Variants in CTNNAL1 observed in about 807,000 individuals in gnomAD.
CTNNAL1 encodes alpha-catulin.
A neutral mutation model predicts 93.6 loss-of-function variants in CTNNAL1; 69 were observed. The observed-to-expected ratio is 0.74, with a 90% CI of 0.61 to 0.90. CTNNAL1 has a LOEUF of 0.90. Ranked by LOEUF, CTNNAL1 falls within the 40% of genes least tolerant of loss-of-function variation. CTNNAL1 has a pLI of 0.00. For synonymous variants in CTNNAL1, 286 were observed against 305.4 expected (o/e 0.94, Z 0.66); for missense variants, 836 against 862.0 (o/e 0.97, Z 0.38).
Position 108,979,479 on chromosome 9 carries a change from C to T in CTNNAL1, c.903G>A (p.Met301Ile). Reference sequence around the variant, plus strand: ...GATTCTCCCGAAGAGCTTCAATATTCATCTGAGAACAAAAAGGACATCTAT... The same window carrying T: ...GATTCTCCCGAAGAGCTTCAATATTTATCTGAGAACAAAAAGGACATCTAT... ...SIFTGIKEFK[M>I]NIEALRENLY... The change falls in exon 7 of 19, where the codon ATG becomes ATA. Residue 301 changes from methionine (M) to isoleucine (I), a missense_variant and splice_region_variant. Met to Ile is a conservative substitution (Grantham distance 10, BLOSUM62 1). Coordinates refer to ENST00000325551, the MANE Select transcript of CTNNAL1 (RefSeq NM_003798.4). 1.2e-6 allele frequency: 2 copies of T among 1,613,546 alleles called. No homozygotes were observed. Among genetic ancestry groups the T allele is most frequent in the African/African-American group, 1.3e-5 (1 of 75,006 alleles).
At chr9:108,970,269 TTC>T (rs1228601381) in intron 10 of CTNNAL1, 131 bp downstream of exon 10, 2 of 765,342 alleles carry the variant, frequency 2.6e-6, no homozygotes, top group Non-Finnish European at 3.7e-6. Flanking sequence ...CCAACAGAAA[TTC>T]CATTATCTTT....
intron 1 of CTNNAL1, among the ~76,000 whole-genome samples, chr9:109,008,511 G>T (rs1177962665): frequency 1.3e-5 from 2 of 152,180 alleles, no homozygotes; most frequent in African/African-American, 4.8e-5. Flanking sequence ...GAGTGGAATT[G>T]CTGGGCCACA....
intron 10 of CTNNAL1, among the ~76,000 whole-genome samples, chr9:108,966,472 A>C (rs1830956362): frequency 6.6e-6 from 1 of 152,026 alleles, no homozygotes; most frequent in African/African-American, 2.4e-5. Flanking sequence ...TTCCATCCTA[A>C]CTGATCCAAA....
chr9:108,996,374 T>C (rs113807140), intron 2 of CTNNAL1, among the ~76,000 whole-genome samples: 1,829 of 152,258 alleles, frequency 0.012, 42 homozygotes, highest in African/African-American at 0.042. Flanking sequence ...ACAGGAGTGA[T>C]TTAATGAAGT....
intron 12 of CTNNAL1, among the ~76,000 whole-genome samples, chr9:108,953,385 G>A (rs769047493): frequency 2.6e-5 from 4 of 152,226 alleles, no homozygotes; most frequent in Non-Finnish European, 5.9e-5. Context: ...AGAGGCAGGA[G>A]TCCCAGAACA....
At position 108,983,406 on chromosome 9, in the gene CTNNAL1, T is replaced by C; in HGVS notation, c.730-91A>G. 3.9e-6 allele frequency: 5 copies of C among 1,284,764 alleles called. No individual in the cohort carries two copies. The South Asian group carries it at 1.4e-4, about 36-fold the overall frequency. The allele number at this position is 1,284,764 out of a possible 1,614,324, so 79.6% of individuals were successfully genotyped here. On this transcript the variant is annotated intron_variant, in intron 5 of 18. Transcript: ENST00000325551. ...AGAGAACATGTCATGCTAAGAAAAA[T>C]GGTTCTTTACCAAAATCTCCTGGGT...
At chr9:108,993,205 G>C (rs1056472897) in intron 2 of CTNNAL1, among the ~76,000 whole-genome samples, 3 of 152,168 alleles carry the variant, frequency 2.0e-5, no homozygotes, top group African/African-American at 4.8e-5. Flanking sequence ...GCTTGGGCTG[G>C]GGCGAGGCCG....
intron 1 of CTNNAL1, among the ~76,000 whole-genome samples, chr9:109,009,674 C>A (rs1269243485): frequency 6.6e-6 from 1 of 152,176 alleles, no homozygotes; most frequent in African/African-American, 2.4e-5. Context: ...AATCTTGGCC[C>A]TTTGTGCTTT....
intron 1 of CTNNAL1, among the ~76,000 whole-genome samples, chr9:109,002,976 A>G (rs934167653): frequency 3.3e-5 from 5 of 151,702 alleles, no homozygotes; most frequent in Non-Finnish European, 7.4e-5. Flanking sequence ...CTGGGCAACA[A>G]GAGCAAAACT....
At chr9:108,977,266 TTTTA>T (rs571024040) in intron 7 of CTNNAL1, 79 of 299,024 alleles carry the variant, frequency 2.6e-4, no homozygotes, top group African/African-American at 1.6e-3. Context: ...ACTTCTGTTT[TTTTA>T]TTTATTTATT....
At position 108,990,588 on chromosome 9, in the gene CTNNAL1, C is replaced by G. The variant is rs149557166; in HGVS notation, c.639+138G>C. ...ATCTACTTACTTTATCCTGGCTTAT[C>G]TATGAAAGGCTTTCAAGACCAAGGC... On this transcript the variant is annotated intron_variant, in intron 4 of 18. Coordinates refer to ENST00000325551, the MANE Select transcript of CTNNAL1 (RefSeq NM_003798.4). 2.9e-5 allele frequency: 29 copies of G among 1,014,622 alleles called. No individual in the cohort carries two copies. In the East Asian group the frequency reaches 7.7e-4, roughly 27 times the overall value. The allele number at this position is 1,014,622 out of a possible 1,614,324, so 62.9% of individuals were successfully genotyped here. A position where few individuals can be genotyped will look rare whatever the true frequency, so the allele number is the denominator to read the frequency against.
intron 2 of CTNNAL1, among the ~76,000 whole-genome samples, chr9:108,993,208 C>T (rs1486664767): frequency 6.6e-6 from 1 of 152,244 alleles, no homozygotes; most frequent in East Asian, 1.9e-4. Flanking sequence ...TGGGCTGGGG[C>T]GAGGCCGGGG....
chr9:108,976,150 C>A (rs1315573000), intron 8 of CTNNAL1, among the ~76,000 whole-genome samples: 4 of 152,176 alleles, frequency 2.6e-5, no homozygotes. Context: ...TGCCCTTTTG[C>A]AGTAAATATA....
intron 4 of CTNNAL1, among the ~76,000 whole-genome samples, chr9:108,985,621 G>T (rs577678636): frequency 6.6e-6 from 1 of 152,298 alleles, no homozygotes; most frequent in African/African-American, 2.4e-5. Context: ...CAAAGCTAAT[G>T]CAGATCACAT....
intron 6 of CTNNAL1, among the ~76,000 whole-genome samples, chr9:108,982,595 C>G (rs1257246144): frequency 6.6e-6 from 1 of 152,164 alleles, no homozygotes; most frequent in African/African-American, 2.4e-5. Flanking sequence ...TACAGCTAAA[C>G]AGAGCCAGAG....
rs202213058 is a variant in CTNNAL1, at chr9:108,999,022, C to A, written c.331+45G>T. ...CAATAATTTTTCATCATAACCAAAG[C>A]AATAAAAGTGGTATGAATAGTCTTC... On this transcript the variant is annotated intron_variant, in intron 2 of 18. Coordinates refer to ENST00000325551, the MANE Select transcript of CTNNAL1 (RefSeq NM_003798.4). 9.8e-6 allele frequency: 15 copies of A among 1,530,806 alleles called. No homozygotes were observed. In the East Asian group the frequency reaches 3.2e-4, roughly 33 times the overall value. 94.8% of individuals were successfully genotyped at this position (1,530,806 alleles called of 1,614,324 possible). A position where few individuals can be genotyped will look rare whatever the true frequency, so the allele number is the denominator to read the frequency against.
At chr9:108,972,864 G>GGGGGGCGGCCCCCCCCC in intron 8 of CTNNAL1, 31 bp from the exon 9 acceptor site, 1 of 142,580 alleles carries the variant, frequency 7.0e-6, no homozygotes, top group Non-Finnish European at 1.0e-5. Flanking sequence ...GGGGGGGTGG[G>GGGGGGCGGCCCCCCCCC]AGGGTGGAGA....
At chr9:108,982,706 T>C (rs1029359389) in intron 6 of CTNNAL1, among the ~76,000 whole-genome samples, 2 of 152,244 alleles carry the variant, frequency 1.3e-5, no homozygotes, top group Non-Finnish European at 2.9e-5. Flanking sequence ...TTTAAATAGA[T>C]ACATTTGCTT....
chr9:108,953,022 T>C (rs1370699698), intron 12 of CTNNAL1, among the ~76,000 whole-genome samples: 1 of 152,232 alleles, frequency 6.6e-6, no homozygotes, highest in African/African-American at 2.4e-5. Flanking sequence ...TTCATAGATA[T>C]CACAACTGCT....
Sources: allele counts gnomAD v4.1 joint callset (sites outside exome capture counted in the v4.1 genomes callset), GRCh38; gene constraint gnomAD v4.1.1; transcripts MANE v1.5; gene names NCBI Gene and HGNC (gene_info 2026-07-23, HGNC 2026-07-21).